SYT7: variants seen among roughly 807,000 people sequenced by gnomAD.
The protein encoded by SYT7 is synaptotagmin 7, also known as synaptotagmin-7.
Under a neutral mutation model 75.1 loss-of-function variants are expected in SYT7, and 29 were observed. The ratio of observed to expected loss-of-function variants is 0.39; its 90% confidence interval spans 0.29 to 0.53. SYT7 has a LOEUF of 0.53. Ranked by LOEUF, SYT7 falls within the 20% of genes least tolerant of loss-of-function variation. SYT7 has a pLI of 0.77. For missense variants in SYT7, 693 were observed against 953.2 expected (o/e 0.73, Z 3.59); for synonymous variants, 376 against 401.7 (o/e 0.94, Z 0.76).
At chr11:61,529,755 C>T (rs1444914652) in intron 8 of SYT7, among the ~76,000 whole-genome samples, 1 of 152,200 alleles carries the variant, frequency 6.6e-6, no homozygotes, top group Non-Finnish European at 1.5e-5. Context: ...ATGCCTCAGC[C>T]TCCTGAGTAG....
At chr11:61,572,121 G>T (rs570143673) in intron 1 of SYT7, among the ~76,000 whole-genome samples, 40 of 152,174 alleles carry the variant, frequency 2.6e-4, no homozygotes, top group Non-Finnish European at 4.4e-4. Context: ...GAGGTTGGGG[G>T]GGGGGCACAC....
chr11:61,587,993 A>G, the SYT7 span, among the ~76,000 whole-genome samples: 475 of 152,304 alleles, frequency 3.1e-3, 7 homozygotes, highest in South Asian at 0.04. Context: ...CTCTGCCCTA[A>G]CTGGAGTTGA....
At chr11:61,582,296 G>A (rs901587152), upstream of SYT7, among the ~76,000 whole-genome samples, 2 of 152,176 alleles carry the variant, frequency 1.3e-5, no homozygotes, top group East Asian at 1.9e-4. Context: ...GTTTGCAGGT[G>A]AGCCAGGCTT....
Position 61,538,251 on chromosome 11 carries a change from C to A in SYT7, c.957G>T (p.Val319=), listed in dbSNP as rs1313958979. The change falls in exon 7 of 13, where the codon GTG becomes GTT. Residue 319 remains valine (V), a synonymous_variant. Coordinates refer to ENST00000539008, the MANE Select transcript of SYT7 (RefSeq NM_001365809.2). ...DMKSFLEGRM[V]VLSLVLGLSE... ...AAAGCCCTAAGACCAAGGATAGCACCACCATCCGGCCTTCCCTGCCCGGGG... is the reference window on the plus strand; with the variant it reads ...AAAGCCCTAAGACCAAGGATAGCACAACCATCCGGCCTTCCCTGCCCGGGG... The A allele has an allele frequency of 2.0e-6, 3 of 1,535,602 alleles. No homozygotes were observed. Among genetic ancestry groups the A allele is most frequent in the Non-Finnish European group, 2.6e-6 (3 of 1,146,668 alleles).
intron 1 of SYT7, among the ~76,000 whole-genome samples, chr11:61,568,025 T>C (rs1452993861): frequency 6.6e-6 from 1 of 152,112 alleles, no homozygotes. Flanking sequence ...CACCAACCTT[T>C]CCTCTGTGGC....
upstream of SYT7, among the ~76,000 whole-genome samples, chr11:61,584,478 G>A (rs188485699): frequency 6.6e-6 from 1 of 152,000 alleles, no homozygotes; most frequent in East Asian, 1.9e-4. Context: ...TATTATTGTT[G>A]TTGCTATTTG....
At position 61,552,781 on chromosome 11, in the gene SYT7, C is replaced by T. The variant is rs183906561; in HGVS notation, c.136-1318G>A. Reference sequence around the variant, plus strand: ...GGCTCCAGCAATGCTGCATGTTCCCCCGTCAGCCTAGCCAAGTGTCTTCCC... The same window carrying T: ...GGCTCCAGCAATGCTGCATGTTCCCTCGTCAGCCTAGCCAAGTGTCTTCCC... On this transcript the variant is annotated intron_variant, in intron 2 of 12. Transcript: ENST00000539008. Among the ~76,000 whole-genome samples the T allele has an allele frequency of 3.3e-3, 499 of 152,326 alleles. 2 individuals are homozygous for T. The highest frequency in any genetic ancestry group is 0.012 in the African/African-American group (487 of 41,580).
At chr11:61,558,860 A>G (rs2063570409) in intron 1 of SYT7, among the ~76,000 whole-genome samples, 2 of 152,276 alleles carry the variant, frequency 1.3e-5, no homozygotes, top group South Asian at 4.1e-4. Flanking sequence ...CTCCTGCCTC[A>G]GCCTCCCGAA....
At position 61,516,976 on chromosome 11, in the gene SYT7, T is replaced by G; in HGVS notation, c.*1651A>C. The G allele has an allele frequency of 6.3e-6, 2 of 318,244 alleles. No individual in the cohort carries two copies. Among genetic ancestry groups the G allele is most frequent in the Non-Finnish European group, 1.1e-5 (2 of 175,684 alleles). The allele number at this position is 318,244 out of a possible 1,614,324, so 19.7% of individuals were successfully genotyped here. On this transcript the variant is annotated 3_prime_UTR_variant, in exon 13 of 13. Coordinates refer to ENST00000539008, the MANE Select transcript of SYT7 (RefSeq NM_001365809.2). This position sits in a 1 kb window ranked among gnomAD's most constrained non-coding sequence, Gnocchi z 4.6. ...AAGGAAAATGGTTCCCAAATGCCAA[T>G]GGTCTCCCCACGCCCTGGATGTGGG...
At position 61,581,060 on chromosome 11, in the gene SYT7, C is replaced by CTGCGCGCCGCGTG. The variant is rs965731555; in HGVS notation, c.-253_-241dup. 1 of 567,102 alleles carries CTGCGCGCCGCGTG rather than the reference C, an allele frequency of 1.8e-6. No homozygotes were observed. The highest frequency in any genetic ancestry group is 2.0e-5 in the African/African-American group (1 of 48,874). 35.1% of individuals were successfully genotyped at this position (567,102 alleles called of 1,614,324 possible). A position where few individuals can be genotyped will look rare whatever the true frequency, so the allele number is the denominator to read the frequency against. ...CAGCGCCGAGCCGCCTCCCTCCGGC[C>CTGCGCGCCGCGTG]TGCGCGCCGCGTGTGCGCGCCGGAG... On this transcript the variant is annotated 5_prime_UTR_variant, in exon 1 of 13. Coordinates refer to ENST00000539008, the MANE Select transcript of SYT7 (RefSeq NM_001365809.2).
chr11:61,520,587 G>T (rs569538480), intron 12 of SYT7, among the ~76,000 whole-genome samples: 1 of 151,638 alleles, frequency 6.6e-6, no homozygotes, highest in East Asian at 1.9e-4. Context: ...CATTTTAGGA[G>T]GCCAAGGCGG....
In SYT7 at chr11:61,553,031, G is replaced by A. The variant is rs1195236351; in HGVS notation, c.136-1568C>T. On this transcript the variant is annotated intron_variant, in intron 2 of 12. Transcript: ENST00000539008. The surrounding 1 kb of genome is among the most constrained non-coding windows in gnomAD (Gnocchi z 5.2). ...TTCTCAGAAATCATCACCTGGAAGTGTCCCTTCTATGGCCCCGCCCACCCT... is the reference window on the plus strand; with the variant it reads ...TTCTCAGAAATCATCACCTGGAAGTATCCCTTCTATGGCCCCGCCCACCCT... Among the ~76,000 whole-genome samples, 1 of 152,170 alleles carries A rather than the reference G, an allele frequency of 6.6e-6. No homozygotes were observed. The highest frequency in any genetic ancestry group is 2.4e-5 in the African/African-American group (1 of 41,422).
Position 61,514,005 on chromosome 11 carries a change from G to A in SYT7, c.*4622C>T, listed in dbSNP as rs939004046. 2.0e-5 allele frequency among the ~76,000 whole-genome samples: 3 copies of A among 152,180 alleles called. No homozygotes were observed. In the South Asian group the frequency reaches 6.2e-4, roughly 32 times the overall value. ...CTTCCAGAAAGCAGCAGTATCCAGG[G>A]GGGGACTCACAGGAGAAAGAAAACA... On this transcript the variant is annotated 3_prime_UTR_variant, in exon 13 of 13. Transcript: ENST00000539008.
At position 61,551,644 on chromosome 11, in the gene SYT7, T is replaced by C. The variant is rs2063355017; in HGVS notation, c.136-181A>G. 6.6e-6 allele frequency among the ~76,000 whole-genome samples: 1 copy of C among 152,102 alleles called. No individual in the cohort carries two copies. Among genetic ancestry groups the C allele is most frequent in the South Asian group, 2.1e-4 (1 of 4,824 alleles). On this transcript the variant is annotated intron_variant, in intron 2 of 12. Transcript: ENST00000539008. This position sits in a 1 kb window ranked among gnomAD's most constrained non-coding sequence, Gnocchi z 5.3. ...AATCCCCTGGATGCCTGCTCCCCGG[T>C]TGGCAGCTCCTGGGCCCCATCGGGC...
chr11:61,554,026 C>A (rs1227141732), intron 2 of SYT7, among the ~76,000 whole-genome samples: 1 of 151,980 alleles, frequency 6.6e-6, no homozygotes, highest in Non-Finnish European at 1.5e-5. Flanking sequence ...CTATCCACAG[C>A]AAGTCAAGAG....
chr11:61,517,421 G>A lies in SYT7; in HGVS notation c.*1206C>T, dbSNP rs181761229. On this transcript the variant is annotated 3_prime_UTR_variant, in exon 13 of 13. Transcript: ENST00000539008. ...GCTGCTCCCGGGGACCAGGGAGTGG[G>A]GAAGGGTGAGAAGACAGTCCTGGAG... The A allele has an allele frequency of 1.9e-4, 74 of 398,922 alleles. No homozygotes were observed. Among genetic ancestry groups the A allele is most frequent in the Non-Finnish European group, 3.1e-4 (70 of 226,278 alleles). The allele number at this position is 398,922 out of a possible 1,614,324, so 24.7% of individuals were successfully genotyped here.
intron 1 of SYT7, among the ~76,000 whole-genome samples, chr11:61,574,005 C>T (rs1305989376): frequency 6.6e-6 from 1 of 152,234 alleles, no homozygotes. Flanking sequence ...ATAGTGAGCA[C>T]ACAACATGTC....
chr11:61,557,962 G>T (rs2135359234), intron 1 of SYT7, among the ~76,000 whole-genome samples: 1 of 152,324 alleles, frequency 6.6e-6, no homozygotes, highest in East Asian at 1.9e-4. Context: ...AGGACTCCAG[G>T]GAAGGGATGG....
intron 2 of SYT7, among the ~76,000 whole-genome samples, chr11:61,555,790 C>T (rs940362648): frequency 6.6e-6 from 1 of 150,704 alleles, no homozygotes; most frequent in Non-Finnish European, 1.5e-5. Context: ...TGTGTGTGCG[C>T]GTGTGTGTAG....
Sources: allele counts gnomAD v4.1 joint callset (sites outside exome capture counted in the v4.1 genomes callset), GRCh38; gene constraint gnomAD v4.1.1; non-coding constraint Gnocchi (gnomAD v3.1); transcripts MANE v1.5; gene names NCBI Gene and HGNC (gene_info 2026-07-23, HGNC 2026-07-21).